The following CTNND2 variants were observed in gnomAD, a reference collection of about 807,000 sequenced individuals.
CTNND2 encodes the protein catenin delta 2.
Under a neutral mutation model 144.4 loss-of-function variants are expected in CTNND2, and 22 were observed. The observed-to-expected ratio is 0.15, with a 90% CI of 0.11 to 0.22. CTNND2 has a LOEUF of 0.22. Among genes scored for constraint, CTNND2 ranks in the 10% least tolerant of loss-of-function variants. CTNND2 has a pLI of 1.00. For synonymous variants in CTNND2, 751 were observed against 695.6 expected (o/e 1.08, Z -1.25); for missense variants, 1,353 against 1,618.8 (o/e 0.84, Z 2.82).
intron 18 of CTNND2, among the ~76,000 whole-genome samples, chr5:11,001,205 T>C (rs1306293464): frequency 6.6e-6 from 1 of 152,170 alleles, no homozygotes; most frequent in Admixed American, 6.5e-5. Flanking sequence ...CCTTGTCTTT[T>C]TCTACCTGTT....
Position 11,662,121 on chromosome 5 carries a change from A to ATATG in CTNND2, c.174+70014_174+70015insCATA, listed in dbSNP as rs1783247486. ...TACACATATTTATGTGTGTGTGTAT[A>ATATG]TATATATACATATATGTATATATAC... On this transcript the variant is annotated intron_variant, in intron 2 of 21. Coordinates refer to ENST00000304623, the MANE Select transcript of CTNND2 (RefSeq NM_001332.4). 6.8e-5 allele frequency among the ~76,000 whole-genome samples: 10 copies of ATATG among 147,238 alleles called. No individual in the cohort carries two copies. In the South Asian group the frequency reaches 2.1e-3, roughly 31 times the overall value.
intron 9 of CTNND2, among the ~76,000 whole-genome samples, chr5:11,252,712 G>C (rs1743786907): frequency 6.6e-6 from 1 of 152,142 alleles, no homozygotes; most frequent in South Asian, 2.1e-4. Context: ...ATTAACCACA[G>C]GCTCTCTTCA....
At chr5:11,825,866 T>C (rs1346235410) in intron 1 of CTNND2, among the ~76,000 whole-genome samples, 2 of 152,026 alleles carry the variant, frequency 1.3e-5, no homozygotes, top group East Asian at 1.9e-4. Flanking sequence ...TTATGTCAAC[T>C]AGGAATTCTA....
At chr5:11,273,619 G>A (rs26467) in intron 9 of CTNND2, among the ~76,000 whole-genome samples, 17,690 of 152,146 alleles carry the variant, frequency 0.12, 1,110 homozygotes, top group Admixed American at 0.18. Context: ...GCTCTGCAGC[G>A]GGAGACATTG....
chr5:11,165,463 G>T (rs978404622), intron 11 of CTNND2, among the ~76,000 whole-genome samples: 1 of 152,074 alleles, frequency 6.6e-6, no homozygotes, highest in African/African-American at 2.4e-5. Context: ...ATGAAAAATG[G>T]TTTAATATTT....
At chr5:11,424,722 A>T (rs1315602375) in intron 3 of CTNND2, among the ~76,000 whole-genome samples, 1 of 152,148 alleles carries the variant, frequency 6.6e-6, no homozygotes, top group African/African-American at 2.4e-5. Context: ...CTTTTCCCAG[A>T]CTGGTTCTTT....
intron 3 of CTNND2, among the ~76,000 whole-genome samples, chr5:11,438,350 A>G (rs1297980305): frequency 6.6e-6 from 1 of 152,222 alleles, no homozygotes; most frequent in Non-Finnish European, 1.5e-5. Flanking sequence ...AATGTCAACA[A>G]TACAAGCAGG....
chr5:11,209,796 C>T (rs550153482), intron 10 of CTNND2, among the ~76,000 whole-genome samples: 6 of 152,176 alleles, frequency 3.9e-5, no homozygotes, highest in African/African-American at 1.4e-4. Context: ...GTGGCAGGTG[C>T]CTGTAGTCCC....
intron 1 of CTNND2, among the ~76,000 whole-genome samples, chr5:11,839,708 A>G (rs2126980092): frequency 6.6e-6 from 1 of 152,152 alleles, no homozygotes; most frequent in East Asian, 1.9e-4. Context: ...CAGTAGTCCT[A>G]TCTCTTATAT....
rs2149788484 is a variant in CTNND2, at chr5:11,376,521, C to A, written c.1177+8144G>T. On this transcript the variant is annotated intron_variant, in intron 7 of 21. Coordinates refer to ENST00000304623, the MANE Select transcript of CTNND2 (RefSeq NM_001332.4). ...CAGCTTCTTTCCACAGTGTCAAGGG[C>A]AGTATTTTCCACTGTGCATTCTCGA... 4.6e-5 allele frequency among the ~76,000 whole-genome samples: 7 copies of A among 152,096 alleles called. 2 individuals are homozygous for A. Among genetic ancestry groups the A allele is most frequent in the Admixed American group, 4.6e-4 (7 of 15,286 alleles).
intron 12 of CTNND2, among the ~76,000 whole-genome samples, chr5:11,129,513 G>A (rs547701552): frequency 2.2e-4 from 33 of 150,030 alleles, no homozygotes; most frequent in African/African-American, 6.1e-4. Flanking sequence ...GCTGAACTAC[G>A]TGCTTCAATA....
intron 9 of CTNND2, among the ~76,000 whole-genome samples, chr5:11,324,043 G>A (rs1387978588): frequency 2.0e-5 from 3 of 152,144 alleles, no homozygotes; most frequent in Non-Finnish European, 4.4e-5. Context: ...TCCAGAAAAG[G>A]CAGAAGCCTA....
At chr5:11,806,173 C>G (rs1290019899) in intron 1 of CTNND2, among the ~76,000 whole-genome samples, 1 of 152,012 alleles carries the variant, frequency 6.6e-6, no homozygotes, top group South Asian at 2.1e-4. Flanking sequence ...TAGTTAATAA[C>G]AATACAGCAA....
intron 3 of CTNND2, among the ~76,000 whole-genome samples, chr5:11,561,649 C>T (rs892145035): frequency 6.6e-6 from 1 of 152,164 alleles, no homozygotes; most frequent in African/African-American, 2.4e-5. Context: ...TCCTAGCATC[C>T]TCCTGTACTA....
chr5:11,200,688 T>C (rs1737332987), intron 10 of CTNND2, among the ~76,000 whole-genome samples: 1 of 152,170 alleles, frequency 6.6e-6, no homozygotes, highest in Admixed American at 6.5e-5. Flanking sequence ...CTTTTTTCTT[T>C]TTCTTTTTGA....
intron 10 of CTNND2, among the ~76,000 whole-genome samples, chr5:11,222,418 C>T (rs528696079): frequency 6.6e-6 from 1 of 152,318 alleles, no homozygotes; most frequent in Non-Finnish European, 1.5e-5. Context: ...GGAGTCTTGC[C>T]TCGCTGCAGG....
At chr5:11,419,041 TAGATAGACATCTATATAG>T (rs1247449740) in intron 3 of CTNND2, among the ~76,000 whole-genome samples, 1 of 140,490 alleles carries the variant, frequency 7.1e-6, no homozygotes, top group African/African-American at 2.8e-5. Context: ...TATAGATATA[TAGATAGACATCTATATAG>T]ATATATATAT....
intron 6 of CTNND2, among the ~76,000 whole-genome samples, chr5:11,386,314 G>C (rs1283013645): frequency 3.3e-5 from 5 of 152,094 alleles, no homozygotes; most frequent in Non-Finnish European, 7.4e-5. Flanking sequence ...AGGGATGAGA[G>C]GTGGGTGGGG....
At chr5:11,733,519 A>G (rs1160589637) in intron 1 of CTNND2, among the ~76,000 whole-genome samples, 2 of 152,344 alleles carry the variant, frequency 1.3e-5, no homozygotes, top group Admixed American at 1.3e-4. Flanking sequence ...TTTCAACTCA[A>G]AAGAAAATCT....
Sources: allele counts gnomAD v4.1 joint callset (sites outside exome capture counted in the v4.1 genomes callset), GRCh38; gene constraint gnomAD v4.1.1; transcripts MANE v1.5; gene names NCBI Gene and HGNC (gene_info 2026-07-23, HGNC 2026-07-21).